Variants in PCDH15 observed in about 807,000 individuals in gnomAD.
PCDH15 encodes the protein protocadherin-15.
Under a neutral mutation model 178.5 loss-of-function variants are expected in PCDH15, and 129 were observed. The ratio of observed to expected loss-of-function variants is 0.72; its 90% CI spans 0.63 to 0.84. PCDH15 has a LOEUF of 0.84. PCDH15 is among the 40% of genes least tolerant of loss of function. The pLI is 0.00. For synonymous variants in PCDH15, 800 were observed against 732.0 expected (o/e 1.09, Z -1.50); for missense variants, 2,230 against 2,099.9 (o/e 1.06, Z -1.21).
intron 2 of PCDH15, among the ~76,000 whole-genome samples, chr10:55,577,950 G>A (rs879618081): frequency 2.7e-5 from 4 of 150,720 alleles, no homozygotes; most frequent in Non-Finnish European, 4.4e-5. Flanking sequence ...GTTAAAGTTA[G>A]GAGAGAGAGA....
At chr10:54,522,274 A>G (rs1247197149) in intron 3 of PCDH15, among the ~76,000 whole-genome samples, 6 of 152,160 alleles carry the variant, frequency 3.9e-5, no homozygotes, top group African/African-American at 9.7e-5. Context: ...TGGCAAATCA[A>G]TTAAAAAGTC....
chr10:54,403,062 G>A (rs1952143100), intron 3 of PCDH15, among the ~76,000 whole-genome samples: 1 of 152,006 alleles, frequency 6.6e-6, no homozygotes. Flanking sequence ...GAAACTAAAA[G>A]TGCTATTCTA....
chr10:54,974,919 A>G (rs1057265177), intron 2 of PCDH15, among the ~76,000 whole-genome samples: 3 of 152,188 alleles, frequency 2.0e-5, no homozygotes, highest in Non-Finnish European at 4.4e-5. Flanking sequence ...TCAAGAATTG[A>G]TAAGTTTCCA....
intron 8 of PCDH15, among the ~76,000 whole-genome samples, chr10:54,255,127 A>G (rs1356024245): frequency 2.6e-5 from 4 of 152,194 alleles, no homozygotes; most frequent in Admixed American, 2.0e-4. Flanking sequence ...TGTATTTTGG[A>G]CAAACATGTC....
At chr10:55,206,566 G>A (rs1446391781) in intron 1 of PCDH15, among the ~76,000 whole-genome samples, 1 of 152,068 alleles carries the variant, frequency 6.6e-6, no homozygotes. Flanking sequence ...TTTGAGGTCA[G>A]ACTATGTGAA....
chr10:54,623,544 T>A (rs958663443), intron 2 of PCDH15, among the ~76,000 whole-genome samples: 1 of 152,122 alleles, frequency 6.6e-6, no homozygotes, highest in Non-Finnish European at 1.5e-5. Context: ...GTTATTGTTA[T>A]TTTTACTGCT....
At chr10:53,822,135 T>C (rs367664002) in intron 32 of PCDH15, 3 of 1,614,140 alleles carry the variant, frequency 1.9e-6, no homozygotes, top group Non-Finnish European at 2.5e-6. Flanking sequence ...TGTTGATAGC[T>C]GTGTCATAGA....
chr10:55,136,086 C>T (rs1838190253), intron 2 of PCDH15, among the ~76,000 whole-genome samples: 1 of 151,978 alleles, frequency 6.6e-6, no homozygotes, highest in African/African-American at 2.4e-5. Context: ...AACTATAGAG[C>T]AAATAAAACT....
At chr10:54,482,854 T>G (rs1028201760) in intron 3 of PCDH15, among the ~76,000 whole-genome samples, 1 of 151,676 alleles carries the variant, frequency 6.6e-6, no homozygotes, top group Non-Finnish European at 1.5e-5. Context: ...GAATCAGAAA[T>G]GTAGGAAGTG....
intron 3 of PCDH15, among the ~76,000 whole-genome samples, chr10:54,487,290 A>G (rs188500464): frequency 1.8e-4 from 28 of 152,138 alleles, no homozygotes; most frequent in Admixed American, 1.1e-3. Context: ...GAGCTAAATA[A>G]TGTGTACACA....
chr10:55,529,765 A>ATATATATATATG (rs1284343363), intron 2 of PCDH15, among the ~76,000 whole-genome samples: 6 of 136,250 alleles, frequency 4.4e-5, no homozygotes, highest in African/African-American at 1.4e-4. Flanking sequence ...ATATATATAT[A>ATATATATATATG]TATATATATA....
chr10:55,053,218 G>T (rs952158261), intron 2 of PCDH15, among the ~76,000 whole-genome samples: 18 of 151,992 alleles, frequency 1.2e-4, no homozygotes, highest in African/African-American at 4.4e-4. Context: ...CAGCCTAATT[G>T]GAAACTACTA....
rs2088357808 is a variant in PCDH15, at chr10:53,961,832, T to C, written c.2929A>G (p.Ser977Gly). ...GAATCTTCTTCCACTTCAAAAATAC[T>C]GGCAGGGTAAGGAAACTGTACATCA... ...VDDVQFPYPA[S>G]IFEVEEDSGR... Residue 977 changes from serine to glycine, a missense_variant, in exon 22 of 38, where the codon AGT (serine) becomes GGT (glycine). Physicochemically the swap from Ser to Gly is moderately conservative, Grantham distance 56. Coordinates refer to ENST00000644397, the MANE Select transcript of PCDH15 (RefSeq NM_001384140.1). 1.2e-6 allele frequency: 2 copies of C among 1,611,230 alleles called. No individual in the cohort carries two copies. The highest frequency in any genetic ancestry group is 1.3e-5 in the African/African-American group (1 of 74,854).
At chr10:54,596,027 A>C (rs2092218129) in intron 2 of PCDH15, among the ~76,000 whole-genome samples, 1 of 152,154 alleles carries the variant, frequency 6.6e-6, no homozygotes, top group African/African-American at 2.4e-5. Flanking sequence ...GAAAGAAAGC[A>C]ACTTGGAAAA....
Position 54,078,975 on chromosome 10 carries a change from A to G in PCDH15, c.2091+356T>C, listed in dbSNP as rs147299949. 5.0e-3 allele frequency among the ~76,000 whole-genome samples: 765 copies of G among 152,310 alleles called. 8 individuals are homozygous for G. The highest frequency in any genetic ancestry group is 4.4e-3 in the Non-Finnish European group (301 of 68,026). On this transcript the variant is annotated intron_variant, in intron 17 of 37. Transcript: ENST00000644397. The stretch of plus-strand genomic sequence containing the variant: ...CCCTGACCCTTAAAAAAATGACGCT[A>G]AGTGTAACAGGTTCCAACATAATAA...
intron 7 of PCDH15, among the ~76,000 whole-genome samples, chr10:54,318,260 C>G (rs900305194): frequency 2.6e-5 from 4 of 152,162 alleles, no homozygotes; most frequent in African/African-American, 9.7e-5. Context: ...AAACTACTTT[C>G]TGTCATGAAA....
chr10:54,347,021 C>T (rs1943406713), intron 5 of PCDH15, among the ~76,000 whole-genome samples: 1 of 152,138 alleles, frequency 6.6e-6, no homozygotes. Flanking sequence ...TTGAGTAGAA[C>T]ATGATCAGGT....
chr10:55,081,430 C>T (rs1053924305), intron 2 of PCDH15, among the ~76,000 whole-genome samples: 3 of 152,126 alleles, frequency 2.0e-5, no homozygotes, highest in Non-Finnish European at 4.4e-5. Flanking sequence ...CTTCCTATTA[C>T]CATTACCTTG....
chr10:54,270,842 A>G (rs2058004374), intron 8 of PCDH15, among the ~76,000 whole-genome samples: 1 of 152,200 alleles, frequency 6.6e-6, no homozygotes, highest in South Asian at 2.1e-4. Flanking sequence ...ACAGGGCTTG[A>G]ATTAGTGAAA....
Sources: allele counts gnomAD v4.1 joint callset (sites outside exome capture counted in the v4.1 genomes callset), GRCh38; gene constraint gnomAD v4.1.1; transcripts MANE v1.5; gene names NCBI Gene and HGNC (gene_info 2026-07-23, HGNC 2026-07-21).